Variants in RASGEF1A observed in about 807,000 individuals in gnomAD.
The protein encoded by RASGEF1A is RasGEF domain family member 1A, also known as ras-GEF domain-containing family member 1A.
A neutral mutation model predicts 56.4 loss-of-function variants in RASGEF1A; 18 were observed. That is an observed-to-expected ratio of 0.32 (90% CI 0.22 to 0.47). RASGEF1A has a LOEUF of 0.47. RASGEF1A is among the 20% of genes least tolerant of loss of function. The pLI is 1.00. For synonymous variants in RASGEF1A, 245 were observed against 242.6 expected (o/e 1.01, Z -0.09); for missense variants, 422 against 627.1 (o/e 0.67, Z 3.49).
At chr10:43,231,276 A>C (rs959067061) in intron 1 of RASGEF1A, among the ~76,000 whole-genome samples, 3 of 152,216 alleles carry the variant, frequency 2.0e-5, no homozygotes, top group Non-Finnish European at 4.4e-5. Context: ...AGGTGGCTTC[A>C]TGGAGAGCAC....
Position 43,249,571 on chromosome 10 carries a change from G to A in RASGEF1A, c.-7+17274C>T, listed in dbSNP as rs1840604116. ...TCTGCTCCCCCAGGCACACAGCGGT[G>A]CAGGGTCCTGCCCAGGCCAGCTGAC... On this transcript the variant is annotated intron_variant, in intron 1 of 12. Transcript: ENST00000395810. Among the ~76,000 whole-genome samples the A allele has an allele frequency of 1.3e-5, 2 of 152,240 alleles. 1 individual carries two copies. Among genetic ancestry groups the A allele is most frequent in the Non-Finnish European group, 2.9e-5 (2 of 68,040 alleles).
rs1252704800 is a variant in RASGEF1A at position 43,205,928 on chromosome 10, A to G, written c.189T>C (p.Tyr63=). The change falls in exon 2 of 13, where the codon TAT becomes TAC. Residue 63 remains tyrosine (Y), a synonymous_variant. Coordinates refer to ENST00000395810, the MANE Select transcript of RASGEF1A (RefSeq NM_145313.4). ...GGCCCCACGTACTCACATCGGGGTA[A>G]TAGTCCACCGTGGGAACAAGGTGCT... ...LMEHLVPTVD[Y]YPDRTYIFTF... 1 of 1,612,656 alleles carries G rather than the reference A, an allele frequency of 6.2e-7. No homozygotes were observed. Among genetic ancestry groups the G allele is most frequent in the Non-Finnish European group, 8.5e-7 (1 of 1,179,502 alleles).
Position 43,196,840 on chromosome 10 carries a change from C to A in RASGEF1A, c.1348+136G>T. 1 of 1,090,228 alleles carries A rather than the reference C, an allele frequency of 9.2e-7. No homozygotes were observed. Among genetic ancestry groups the A allele is most frequent in the Non-Finnish European group, 1.3e-6 (1 of 766,344 alleles). The allele number at this position is 1,090,228 out of a possible 1,614,324, so 67.5% of individuals were successfully genotyped here. A position where few individuals can be genotyped will look rare whatever the true frequency, so the allele number is the denominator to read the frequency against. The stretch of plus-strand genomic sequence containing the variant: ...ATGACCCACCCTCATGCACACTCGC[C>A]CCTGCGAGCAGAGCCAGCCCTGTGT... On this transcript the variant is annotated intron_variant, in intron 11 of 12. Transcript: ENST00000395810. This position sits in a 1 kb window ranked among gnomAD's most constrained non-coding sequence, Gnocchi z 4.6.
At chr10:43,220,350 AG>A (rs2133201847) in intron 1 of RASGEF1A, among the ~76,000 whole-genome samples, 1 of 152,266 alleles carries the variant, frequency 6.6e-6, no homozygotes, top group Non-Finnish European at 1.5e-5. Flanking sequence ...AAAATTAGCC[AG>A]GGGCAGTGGC....
At chr10:43,199,903 G>T in intron 6 of RASGEF1A, 135 bp from the exon 7 acceptor site, 1 of 791,834 alleles carries the variant, frequency 1.3e-6, no homozygotes, top group Non-Finnish European at 2.1e-6. Flanking sequence ...CGTGCTCCTT[G>T]CTGCCCAGTG....
chr10:43,230,348 T>C (rs10899780), intron 1 of RASGEF1A, among the ~76,000 whole-genome samples: 25,321 of 151,890 alleles, frequency 0.17, 2,712 homozygotes, highest in East Asian at 0.51. Flanking sequence ...CAGCGAGGGG[T>C]GGGCTGGGCA....
At chr10:43,227,059 G>A (rs895233935) in intron 1 of RASGEF1A, among the ~76,000 whole-genome samples, 4 of 152,242 alleles carry the variant, frequency 2.6e-5, no homozygotes, top group Non-Finnish European at 4.4e-5. Context: ...TCTGAGATCA[G>A]CTTCCAAGGA....
chr10:43,204,734 C>G (rs1341400471), intron 2 of RASGEF1A, among the ~76,000 whole-genome samples: 2 of 152,206 alleles, frequency 1.3e-5, no homozygotes, highest in Non-Finnish European at 2.9e-5. Flanking sequence ...TCGTGGGAAG[C>G]TGGTCAGATC....
At chr10:43,241,455 G>A (rs1174187434) in intron 1 of RASGEF1A, among the ~76,000 whole-genome samples, 1 of 152,250 alleles carries the variant, frequency 6.6e-6, no homozygotes, top group Non-Finnish European at 1.5e-5. Flanking sequence ...AATTGAGTTT[G>A]TATTAATCTG....
chr10:43,207,177 C>T, intron 1 of RASGEF1A: 4 of 985,496 alleles, frequency 4.1e-6, no homozygotes, highest in Non-Finnish European at 4.8e-6. Flanking sequence ...GAGCCAGCCT[C>T]AACCTCCTGG....
rs114187569 is a variant in RASGEF1A, at chr10:43,217,057, G to A, written c.-6-10935C>T. Among the ~76,000 whole-genome samples, 330 of 152,296 alleles carry A rather than the reference G, an allele frequency of 2.2e-3. 1 individual carries two copies. Among genetic ancestry groups the A allele is most frequent in the African/African-American group, 7.4e-3 (307 of 41,548 alleles). On this transcript the variant is annotated intron_variant, in intron 1 of 12. Coordinates refer to ENST00000395810, the MANE Select transcript of RASGEF1A (RefSeq NM_145313.4). ...GATCCCACCTGCACTGAGAGGCATC[G>A]TGGAGGGGGAGAAATGAGGTAGGGG... is the stretch of plus-strand genomic sequence containing the variant.
At chr10:43,209,932 C>G (rs1278343875) in intron 1 of RASGEF1A, among the ~76,000 whole-genome samples, 1 of 152,196 alleles carries the variant, frequency 6.6e-6, no homozygotes, top group Non-Finnish European at 1.5e-5. Context: ...TTTCAGGTAG[C>G]TCAGCTGCAC....
intron 1 of RASGEF1A, among the ~76,000 whole-genome samples, chr10:43,233,303 C>CGTGT (rs900355951): frequency 6.6e-6 from 1 of 151,988 alleles, no homozygotes; most frequent in East Asian, 1.9e-4. Context: ...TGTGTGTGCA[C>CGTGT]GTGTGTGTGT....
intron 1 of RASGEF1A, among the ~76,000 whole-genome samples, chr10:43,206,480 TG>T (rs1839998118): frequency 6.6e-6 from 1 of 152,146 alleles, no homozygotes; most frequent in African/African-American, 2.4e-5. Context: ...TGTGAACAAC[TG>T]ATGGGGCTGG....
intron 4 of RASGEF1A, 65 bp downstream of exon 4, chr10:43,201,743 A>G (rs1588927549): frequency 6.3e-6 from 9 of 1,435,014 alleles, no homozygotes; most frequent in East Asian, 2.4e-5. Flanking sequence ...CGAAGCCCCC[A>G]CCCTCCCGAG....
Position 43,200,703 on chromosome 10 carries a change from G to A in RASGEF1A, c.645C>T (p.Pro215=), listed in dbSNP as rs1237912283. 2 of 1,613,372 alleles carry A rather than the reference G, an allele frequency of 1.2e-6. No individual in the cohort carries two copies. The highest frequency in any genetic ancestry group is 1.1e-5 in the South Asian group (1 of 91,082). Residue 215 remains proline, a synonymous_variant, in exon 5 of 13, where the codon CCC becomes CCT. Transcript: ENST00000395810. ...GAGTCAGCTGCTGGGCCAGCACCAG[G>A]GGGTCGCAGCACACGCCCAGGATGT... ...QKDILGVCCD[P]LVLAQQLTHI...
At position 43,198,097 on chromosome 10, in the gene RASGEF1A, G is replaced by T; in HGVS notation, c.1131C>A (p.Ile377=). 1 of 1,614,118 alleles carries T rather than the reference G, an allele frequency of 6.2e-7. No homozygotes were observed. The highest frequency in any genetic ancestry group is 8.5e-7 in the Non-Finnish European group (1 of 1,179,952). The part of the protein sequence containing the change: ...SQMANSSREK[I]VIPVFNLFVK... ...CGAAGAGGTTGAACACAGGGATGAC[G>T]ATCTTTTCACGGCTGCTGTTGGCCA... Residue 377 remains isoleucine, a synonymous_variant, in exon 10 of 13, where the codon ATC becomes ATA. Coordinates refer to ENST00000395810, the MANE Select transcript of RASGEF1A (RefSeq NM_145313.4).
chr10:43,255,140 G>C (rs771459397), intron 1 of RASGEF1A, among the ~76,000 whole-genome samples: 4 of 152,138 alleles, frequency 2.6e-5, no homozygotes, highest in Non-Finnish European at 4.4e-5. Flanking sequence ...AGCCGGTGTC[G>C]GGCTTGGCTG....
chr10:43,218,862 T>C (rs1460000483), intron 1 of RASGEF1A, among the ~76,000 whole-genome samples: 13 of 152,246 alleles, frequency 8.5e-5, no homozygotes, highest in Non-Finnish European at 1.9e-4. Context: ...ACATGATTCA[T>C]TTTTTCCTTC....
Sources: allele counts gnomAD v4.1 joint callset (sites outside exome capture counted in the v4.1 genomes callset), GRCh38; gene constraint gnomAD v4.1.1; non-coding constraint Gnocchi (gnomAD v3.1); transcripts MANE v1.5; gene names NCBI Gene and HGNC (gene_info 2026-07-23, HGNC 2026-07-21).